The following ERBB4 variants were observed in gnomAD, a reference collection of about 807,000 sequenced individuals.
ERBB4 encodes the protein receptor tyrosine-protein kinase erbB-4.
ERBB4 carries 42 observed loss-of-function variants against 158.0 expected under a neutral mutation model. The observed-to-expected ratio is 0.27, with a 90% CI of 0.21 to 0.34. The LOEUF (loss-of-function observed/expected upper bound fraction) is 0.34, where lower values mean the gene tolerates loss of function less well. ERBB4 is among the 10% of genes least tolerant of loss of function. ERBB4 has a pLI of 1.00. For synonymous variants in ERBB4, 583 were observed against 558.7 expected, an observed-to-expected ratio of 1.04 and a Z score of -0.61; for missense variants, 1,333 against 1,624.1, an observed-to-expected ratio of 0.82 and a Z score of 3.08.
At chr2:211,455,557 C>A (rs371738103) in intron 20 of ERBB4, among the ~76,000 whole-genome samples, 1 of 152,158 alleles carries the variant, frequency 6.6e-6, no homozygotes, top group African/African-American at 2.4e-5. Flanking sequence ...ATAAAACCCA[C>A]ATAAATCTCT....
intron 1 of ERBB4, among the ~76,000 whole-genome samples, chr2:212,152,752 TAA>T (rs2080912083): frequency 6.6e-6 from 1 of 152,160 alleles, no homozygotes; most frequent in Non-Finnish European, 1.5e-5. Context: ...GGTTCAAAAT[TAA>T]AGTCATCCTT....
In ERBB4 at chr2:211,676,394, A is replaced by G. The variant is rs183802708; in HGVS notation, c.1622+2658T>C. 1.6e-3 allele frequency among the ~76,000 whole-genome samples: 239 copies of G among 152,336 alleles called. 1 individual carries two copies. Among genetic ancestry groups the G allele is most frequent in the African/African-American group, 5.5e-3 (229 of 41,574 alleles). The stretch of plus-strand genomic sequence containing the variant: ...ATGAAATATGCTAAATATAAAAAAC[A>G]GTGTGGTAATCAGTGTTTCCTCAGG... On this transcript the variant is annotated intron_variant, in intron 13 of 27. Transcript: ENST00000342788.
At chr2:212,120,766 G>A (rs1282502604) in intron 2 of ERBB4, among the ~76,000 whole-genome samples, 2 of 152,094 alleles carry the variant, frequency 1.3e-5, no homozygotes, top group Non-Finnish European at 2.9e-5. Context: ...TACATCATTT[G>A]GGTCACTCTT....
At chr2:212,281,636 C>A (rs1195320079) in intron 1 of ERBB4, among the ~76,000 whole-genome samples, 1 of 151,820 alleles carries the variant, frequency 6.6e-6, no homozygotes, top group African/African-American at 2.4e-5. Flanking sequence ...ATTTAAATAG[C>A]TGAAGTGTAT....
At chr2:212,351,376 C>A (rs1335582726) in intron 1 of ERBB4, among the ~76,000 whole-genome samples, 4 of 152,118 alleles carry the variant, frequency 2.6e-5, no homozygotes, top group African/African-American at 9.7e-5. Context: ...TTAAGCTACC[C>A]AGTCCATGGT....
chr2:212,460,959 C>G (rs1688540773), intron 1 of ERBB4, among the ~76,000 whole-genome samples: 1 of 152,148 alleles, frequency 6.6e-6, no homozygotes, highest in Non-Finnish European at 1.5e-5. Flanking sequence ...TGTTTGCAGC[C>G]TAGGGAGTTG....
chr2:211,615,702 C>T (rs2069359960), intron 19 of ERBB4, among the ~76,000 whole-genome samples: 1 of 152,058 alleles, frequency 6.6e-6, no homozygotes, highest in African/African-American at 2.4e-5. Context: ...TAAAAGTCCT[C>T]TCCTTTACCC....
intron 1 of ERBB4, among the ~76,000 whole-genome samples, chr2:212,131,626 C>T (rs1229321294): frequency 6.6e-6 from 1 of 152,108 alleles, no homozygotes; most frequent in African/African-American, 2.4e-5. Context: ...TGATCCTGAC[C>T]ACTAAGGATA....
chr2:211,411,073 T>TAATTTTTGTACTTTTAGTAGAG (rs2063249206), intron 25 of ERBB4, among the ~76,000 whole-genome samples: 1 of 152,112 alleles, frequency 6.6e-6, no homozygotes, highest in South Asian at 2.1e-4. Flanking sequence ...TACACCCAGG[T>TAATTTTTGTACTTTTAGTAGAG]AATTTTTGTA....
At chr2:212,429,610 T>C (rs1205530186) in intron 1 of ERBB4, among the ~76,000 whole-genome samples, 3 of 152,190 alleles carry the variant, frequency 2.0e-5, no homozygotes, top group African/African-American at 7.2e-5. Context: ...TCTTCTCCCT[T>C]ACAGTATTTT....
At chr2:212,123,975 T>G (rs2079839753) in intron 2 of ERBB4, among the ~76,000 whole-genome samples, 2 of 152,212 alleles carry the variant, frequency 1.3e-5, no homozygotes, top group African/African-American at 4.8e-5. Flanking sequence ...AATTCTTATA[T>G]AAGCATAAAT....
intron 1 of ERBB4, among the ~76,000 whole-genome samples, chr2:212,515,015 T>C (rs1474295194): frequency 6.6e-6 from 1 of 152,224 alleles, no homozygotes; most frequent in Non-Finnish European, 1.5e-5. Flanking sequence ...TTTCTAAATA[T>C]AGTAGTAAAC....
intron 20 of ERBB4, among the ~76,000 whole-genome samples, chr2:211,439,021 T>C (rs1317279636): frequency 6.6e-5 from 10 of 151,610 alleles, no homozygotes; most frequent in Admixed American, 5.9e-4. Context: ...TGTGTAAGCA[T>C]GTGTGTGTGC....
intron 20 of ERBB4, among the ~76,000 whole-genome samples, chr2:211,459,834 G>T (rs150919576): frequency 2.0e-5 from 3 of 152,008 alleles, no homozygotes; most frequent in Non-Finnish European, 4.4e-5. Flanking sequence ...AGTTTATCTC[G>T]TTGTTTATAT....
intron 2 of ERBB4, among the ~76,000 whole-genome samples, chr2:212,017,470 C>T (rs921291932): frequency 6.6e-6 from 1 of 152,038 alleles, no homozygotes; most frequent in African/African-American, 2.4e-5. Flanking sequence ...TGTAATAAAA[C>T]TTATTTTCAA....
intron 4 of ERBB4, among the ~76,000 whole-genome samples, chr2:211,751,372 C>A (rs781576291): frequency 6.6e-6 from 1 of 152,000 alleles, no homozygotes; most frequent in Non-Finnish European, 1.5e-5. Context: ...AAATTCCCAT[C>A]GGGACTGAAA....
At chr2:211,605,586 C>T (rs376468469) in intron 19 of ERBB4, among the ~76,000 whole-genome samples, 8 of 151,978 alleles carry the variant, frequency 5.3e-5, no homozygotes, top group Admixed American at 2.0e-4. Context: ...AGTGTGTCAT[C>T]CTGAAGGTAG....
chr2:211,415,949 T>A (rs2125392651), intron 25 of ERBB4, among the ~76,000 whole-genome samples: 1 of 152,338 alleles, frequency 6.6e-6, no homozygotes, highest in African/African-American at 2.4e-5. Flanking sequence ...GAAAAAGAAG[T>A]TACATTGTGA....
chr2:212,138,533 C>A (rs1026276660), intron 1 of ERBB4, among the ~76,000 whole-genome samples: 2 of 152,108 alleles, frequency 1.3e-5, no homozygotes, highest in Admixed American at 6.6e-5. Flanking sequence ...CCAAGCAGAC[C>A]CTCACCAGAT....
Sources: allele counts gnomAD v4.1 joint callset (sites outside exome capture counted in the v4.1 genomes callset), GRCh38; gene constraint gnomAD v4.1.1; transcripts MANE v1.5; gene names NCBI Gene and HGNC (gene_info 2026-07-23, HGNC 2026-07-21).